The following DUOX1 variants were observed in gnomAD, a reference collection of about 807,000 sequenced individuals.
The protein encoded by DUOX1 is NADPH thyroid oxidase 1.
In DUOX1, 134 loss-of-function variants were observed where a neutral mutation model predicts 181.8. The observed-to-expected ratio is 0.74, with a 90% confidence interval of 0.64 to 0.85. The LOEUF (loss-of-function observed/expected upper bound fraction) is 0.85. Among genes scored for constraint, DUOX1 ranks in the 40% least tolerant of loss-of-function variants. The pLI, the probability that DUOX1 is intolerant of heterozygous loss-of-function variation, is 0.00. For missense variants in DUOX1, 1,814 were observed against 2,064.4 expected, an observed-to-expected ratio of 0.88 and a Z score of 2.35; for synonymous variants, 798 against 832.5, an observed-to-expected ratio of 0.96 and a Z score of 0.71.
chr15:45,154,620 A>G (rs768178735), intron 27 of DUOX1, among the ~76,000 whole-genome samples: 3 of 138,362 alleles, frequency 2.2e-5, no homozygotes, highest in Non-Finnish European at 4.6e-5. Flanking sequence ...TTAATCCTAA[A>G]ATGATCTGCT....
intron 28 of DUOX1, among the ~76,000 whole-genome samples, chr15:45,158,273 C>G (rs1897011541): frequency 6.6e-6 from 1 of 152,166 alleles, no homozygotes; most frequent in South Asian, 2.1e-4. Context: ...CACAATGAAA[C>G]AGTGAACTTG....
intron 9 of DUOX1, among the ~76,000 whole-genome samples, chr15:45,137,434 C>T (rs1896353406): frequency 6.8e-6 from 1 of 146,578 alleles, no homozygotes; most frequent in Non-Finnish European, 1.5e-5. Flanking sequence ...TGAAACAAAG[C>T]ATGTCCATTT....
chr15:45,135,465 GC>G lies in DUOX1; in HGVS notation c.496-5del. 2 of 1,548,028 alleles carry G rather than the reference GC, an allele frequency of 1.3e-6. No homozygotes were observed. The highest frequency in any genetic ancestry group is 1.7e-6 in the Non-Finnish European group (2 of 1,147,642). On this transcript the variant is annotated splice_region_variant and splice_polypyrimidine_tract_variant and intron_variant, in intron 5 of 33. Transcript: ENST00000389037. ...ATCGACCCGGGCTCACCCGCCGCGTGCCCCGCAGGCCAACCAGGTGACGGGC... is the reference window on the plus strand; with the variant it reads ...ATCGACCCGGGCTCACCCGCCGCGTGCCCGCAGGCCAACCAGGTGACGGGC...
At chr15:45,133,782 C>T (rs1896212254) in intron 2 of DUOX1, 82 bp from the exon 3 acceptor site, 1 of 1,215,454 alleles carries the variant, frequency 8.2e-7, no homozygotes, top group South Asian at 1.3e-5. Flanking sequence ...GTGCCAGGCT[C>T]ACAGCACCCA....
intron 10 of DUOX1, chr15:45,138,602 T>C: frequency 6.3e-6 from 1 of 159,558 alleles, no homozygotes; most frequent in Non-Finnish European, 1.4e-5. Context: ...GGGAAGGGAG[T>C]GGGGAGGAAG....
At chr15:45,142,500 C>T (rs1022562293) in intron 15 of DUOX1, among the ~76,000 whole-genome samples, 7 of 151,978 alleles carry the variant, frequency 4.6e-5, no homozygotes, top group Non-Finnish European at 8.8e-5. Context: ...CCGAGGCAGG[C>T]GGATCACCTG....
intron 23 of DUOX1, 130 bp from the exon 24 acceptor site, chr15:45,151,744 G>C (rs1212588308): frequency 2.1e-6 from 2 of 950,018 alleles, no homozygotes; most frequent in African/African-American, 1.6e-5. Context: ...CTTCCACAAG[G>C]GTAACTAGGT....
At chr15:45,157,515 A>C (rs1377621772) in intron 28 of DUOX1, among the ~76,000 whole-genome samples, 1 of 152,128 alleles carries the variant, frequency 6.6e-6, no homozygotes, top group South Asian at 2.1e-4. Context: ...TGCCAGCAGG[A>C]AAGTCAGGGG....
chr15:45,138,898 C>T, intron 10 of DUOX1, 168 bp from the exon 11 acceptor site: 1 of 629,058 alleles, frequency 1.6e-6, no homozygotes, highest in Non-Finnish European at 2.8e-6. Flanking sequence ...ACACCCCTCA[C>T]CCTGAGTGGG....
intron 31 of DUOX1, among the ~76,000 whole-genome samples, chr15:45,162,956 T>C (rs1897144904): frequency 6.6e-6 from 1 of 152,220 alleles, no homozygotes; most frequent in Non-Finnish European, 1.5e-5. Flanking sequence ...TCAGGGGTGC[T>C]GGAATGCAGT....
chr15:45,145,100 T>C lies in DUOX1; in HGVS notation c.2322+20T>C. The C allele has an allele frequency of 6.4e-7, 1 of 1,567,944 alleles. No homozygotes were observed. Among genetic ancestry groups the C allele is most frequent in the Non-Finnish European group, 8.6e-7 (1 of 1,157,818 alleles). On this transcript the variant is annotated intron_variant, in intron 18 of 33. Transcript: ENST00000389037. ...TCCCAGGTGTGTACATGGGACCAGATCAATCCTTATGCTGTGGTGGTGTCC... is the reference window on the plus strand; with the variant it reads ...TCCCAGGTGTGTACATGGGACCAGACCAATCCTTATGCTGTGGTGGTGTCC...
rs577536450 is a variant in DUOX1 at position 45,152,591 on chromosome 15, C to G, written c.3424+75C>G. 248 of 1,346,216 alleles carry G rather than the reference C, an allele frequency of 1.8e-4. No individual in the cohort carries two copies. In the Middle Eastern group the frequency reaches 2.5e-3, roughly 14 times the overall value. The allele number at this position is 1,346,216 out of a possible 1,614,324, so 83.4% of individuals were successfully genotyped here. A position where few individuals can be genotyped will look rare whatever the true frequency, so the allele number is the denominator to read the frequency against. ...TGACTTCCCCTCGTATGAGAGCCCC[C>G]CTCTCTGCTGGCACTTACCTTTAAT... On this transcript the variant is annotated intron_variant, in intron 25 of 33. Transcript: ENST00000389037.
At position 45,139,476 on chromosome 15, in the gene DUOX1, C is replaced by T. The variant is rs753823787; in HGVS notation, c.1266C>T (p.Ser422=). 2.5e-6 allele frequency: 4 copies of T among 1,612,902 alleles called. No homozygotes were observed. The South Asian group carries it at 4.4e-5, about 18-fold the overall frequency. Residue 422 remains serine, a synonymous_variant, in exon 12 of 34, where the codon AGC becomes AGT. Transcript: ENST00000389037. ...TTTCCCGCACAGACCACCTGGCCAG[C>T]TGCCTGCAGCGGGGCCGGGATCTGG... ...LKFSRTDHLA[S]CLQRGRDLGL... is the part of the protein sequence containing the mutation.
At chr15:45,153,898 AAAG>A (rs1896898038) in intron 26 of DUOX1, 50 bp from the exon 27 acceptor site, 6 of 1,513,488 alleles carry the variant, frequency 4.0e-6, no homozygotes, top group Middle Eastern at 1.7e-4. Flanking sequence ...AAAAAAAAAA[AAAG>A]AGAGAGAGAT....
chr15:45,148,448 G>T lies in DUOX1; in HGVS notation c.2818+1G>T. 1.2e-6 allele frequency: 2 copies of T among 1,609,942 alleles called. No individual in the cohort carries two copies. The highest frequency in any genetic ancestry group is 1.7e-6 in the Non-Finnish European group (2 of 1,177,190). ...CGCTTCACGCAGCTCTGTGTCAAAG[G>T]TGGGGCAGCCTGGTAGGCAGCACTG... On this transcript the variant is annotated splice_donor_variant, in intron 21 of 33. Coordinates refer to ENST00000389037, the MANE Select transcript of DUOX1 (RefSeq NM_175940.3). LOFTEE classifies it high-confidence loss of function.
At chr15:45,139,803 T>A in intron 12 of DUOX1, 1 of 656,308 alleles carries the variant, frequency 1.5e-6, no homozygotes, top group South Asian at 2.1e-5. Flanking sequence ...ACTCGGATTG[T>A]TCAGATCCAG....
At chr15:45,156,877 C>T (rs1349874410) in intron 28 of DUOX1, among the ~76,000 whole-genome samples, 1 of 152,118 alleles carries the variant, frequency 6.6e-6, no homozygotes, top group Non-Finnish European at 1.5e-5. Flanking sequence ...GGTTAGTTCC[C>T]GAGCTGATTC....
At chr15:45,151,352 G>C in intron 23 of DUOX1, 104 bp downstream of exon 23, 1 of 1,465,706 alleles carries the variant, frequency 6.8e-7, no homozygotes. Context: ...TGTGGGTACA[G>C]GCAGGGTGAA....
rs202033460 is a variant in DUOX1 at position 45,147,644 on chromosome 15, T to C, written c.2534T>C (p.Val845Ala). ...LSFREFLDIL[V>A]VFMKGSPEEK... is the part of the protein sequence containing the mutation. ...TTCCGAGAGTTCCTGGACATCCTGG[T>C]GGTCTTCATGAAAGGTGAGGGAGGA... Residue 845 changes from valine (V) to alanine (A), a missense_variant, in exon 19 of 34, where the codon GTG (valine) becomes GCG (alanine). Coordinates refer to ENST00000389037, the MANE Select transcript of DUOX1 (RefSeq NM_175940.3). 1.1e-4 allele frequency: 171 copies of C among 1,614,100 alleles called. 1 individual carries two copies. The highest frequency in any genetic ancestry group is 7.7e-4 in the South Asian group (70 of 91,058).
Sources: gnomAD v4.1 joint callset for allele counts (sites outside exome capture counted in the v4.1 genomes callset) on GRCh38, gnomAD v4.1.1 for gene constraint, MANE v1.5 for transcripts, NCBI Gene and HGNC (gene_info 2026-07-23, HGNC 2026-07-21) for gene names.